The following SLC2A9 variants were observed in gnomAD, a reference collection of about 807,000 sequenced individuals.
The protein encoded by SLC2A9 is solute carrier family 2 member 9.
In SLC2A9, 39 loss-of-function variants were observed where a neutral mutation model predicts 50.6. The observed-to-expected ratio is 0.77, with a 90% CI of 0.60 to 1.01. The LOEUF is 1.01. Among genes scored for constraint, SLC2A9 ranks in the 50% least tolerant of loss-of-function variants. The probability of loss-of-function intolerance (pLI) is 0.00; values close to 1 mark genes in which losing one functional copy is unlikely to be tolerated. For missense variants in SLC2A9, 686 were observed against 677.6 expected (o/e 1.01, Z -0.14); for synonymous variants, 324 against 276.9 (o/e 1.17, Z -1.69).
chr4:9,954,798 T>C (rs1197563394), intron 5 of SLC2A9, among the ~76,000 whole-genome samples: 2 of 152,124 alleles, frequency 1.3e-5, no homozygotes, highest in Non-Finnish European at 2.9e-5. Flanking sequence ...GAATGTCAGG[T>C]GGCCATCAGG....
chr4:9,970,298 A>T (rs1753688886), intron 5 of SLC2A9, among the ~76,000 whole-genome samples: 2 of 152,186 alleles, frequency 1.3e-5, no homozygotes, highest in Admixed American at 6.5e-5. Context: ...CTTCACAGGG[A>T]GCCTTGCAGA....
At chr4:10,021,756 A>G (rs1168219559), upstream of SLC2A9, among the ~76,000 whole-genome samples, 1 of 151,082 alleles carries the variant, frequency 6.6e-6, no homozygotes, top group African/African-American at 2.4e-5. Context: ...TTAACCTAGG[A>G]TACCTCCCTA....
In SLC2A9 at chr4:10,038,720, A is replaced by G. The variant is rs746922866; in HGVS notation, c.-41+1410T>C. Among the ~76,000 whole-genome samples the G allele has an allele frequency of 3.3e-5, 5 of 152,170 alleles. No homozygotes were observed. In the South Asian group the frequency reaches 8.3e-4, roughly 25 times the overall value. ...GATGTTTTACACCAAGGTTTTACGCAATGACATGGAGCATGTCTGCTTCAC... is the reference window on the plus strand; with the variant it reads ...GATGTTTTACACCAAGGTTTTACGCGATGACATGGAGCATGTCTGCTTCAC... On this transcript the variant is annotated intron_variant, in intron 1 of 12. Coordinates refer to the SLC2A9 transcript ENST00000309065.
chr4:9,898,279 C>T (rs1392654218), intron 8 of SLC2A9, among the ~76,000 whole-genome samples: 1 of 152,058 alleles, frequency 6.6e-6, no homozygotes, highest in Non-Finnish European at 1.5e-5. Context: ...AGGTAGTCTC[C>T]AAATATGTAC....
chr4:9,964,993 A>G (rs73805306), intron 5 of SLC2A9, among the ~76,000 whole-genome samples: 164 of 152,282 alleles, frequency 1.1e-3, no homozygotes, highest in African/African-American at 3.8e-3. Context: ...ATTTCATAAC[A>G]TCTTTTCTAA....
At chr4:9,935,105 C>T (rs1170948301) in intron 6 of SLC2A9, among the ~76,000 whole-genome samples, 1 of 152,184 alleles carries the variant, frequency 6.6e-6, no homozygotes, top group East Asian at 1.9e-4. Context: ...GTAAACAGTG[C>T]TGCAATAAAC....
At chr4:9,791,725 G>A (rs1382855974) in intron 3 of SLC2A9, among the ~76,000 whole-genome samples, 2 of 152,110 alleles carry the variant, frequency 1.3e-5, no homozygotes, top group African/African-American at 4.8e-5. Flanking sequence ...ACATGAGGGA[G>A]CTTGGAAAGG....
intron 10 of SLC2A9, among the ~76,000 whole-genome samples, chr4:9,836,762 G>C (rs1281838735): frequency 6.6e-6 from 1 of 152,202 alleles, no homozygotes; most frequent in African/African-American, 2.4e-5. Flanking sequence ...AAGCCTGGAG[G>C]GTGTAGGAGA....
In SLC2A9 at chr4:9,986,691, T is replaced by C. The variant is rs1162110218; in HGVS notation, c.411-898A>G. On this transcript the variant is annotated intron_variant, in intron 3 of 11. Coordinates refer to ENST00000264784, the MANE Select transcript of SLC2A9 (RefSeq NM_020041.3). ...CAATGGCATCTTAGATTTGATGAAC[T>C]ACAGTACTAAGTGAATGGCTGGACT... Among the ~76,000 whole-genome samples the C allele has an allele frequency of 2.0e-5, 3 of 149,564 alleles. No homozygotes were observed. In the East Asian group the frequency reaches 6.2e-4, roughly 31 times the overall value.
chr4:9,905,877 C>T (rs921892342), intron 8 of SLC2A9, among the ~76,000 whole-genome samples: 1 of 152,204 alleles, frequency 6.6e-6, no homozygotes, highest in Non-Finnish European at 1.5e-5. Flanking sequence ...TCTTTCCCCA[C>T]TCTCTTGGGT....
chr4:9,788,122 T>C (rs1383171106), intron 3 of SLC2A9, among the ~76,000 whole-genome samples: 1 of 152,222 alleles, frequency 6.6e-6, no homozygotes, highest in Non-Finnish European at 1.5e-5. Flanking sequence ...TTGTTGGTTT[T>C]CTACTGTAAG....
At chr4:9,925,891 T>A (rs763792870) in intron 6 of SLC2A9, among the ~76,000 whole-genome samples, 1 of 152,262 alleles carries the variant, frequency 6.6e-6, no homozygotes, top group African/African-American at 2.4e-5. Flanking sequence ...CTCCCTACTG[T>A]TCCGGGCATG....
At chr4:9,978,012 G>A (rs1017643874) in intron 5 of SLC2A9, among the ~76,000 whole-genome samples, 10 of 152,208 alleles carry the variant, frequency 6.6e-5, no homozygotes, top group African/African-American at 1.9e-4. Flanking sequence ...GGAAGCAAAC[G>A]GAAATCAGTG....
chr4:9,813,932 C>T (rs1229900833), intron 3 of SLC2A9, among the ~76,000 whole-genome samples: 1 of 151,598 alleles, frequency 6.6e-6, no homozygotes, highest in African/African-American at 2.4e-5. Context: ...CCCATCTCTA[C>T]TAAAAATACA....
chr4:9,844,825 G>C (rs1451716234), intron 10 of SLC2A9, among the ~76,000 whole-genome samples: 1 of 152,202 alleles, frequency 6.6e-6, no homozygotes, highest in East Asian at 1.9e-4. Context: ...ATAAAATGAA[G>C]ATAACAATAG....
intron 5 of SLC2A9, among the ~76,000 whole-genome samples, chr4:9,949,322 G>C (rs1749776183): frequency 6.6e-6 from 1 of 152,204 alleles, no homozygotes; most frequent in African/African-American, 2.4e-5. Context: ...GCACAGATAA[G>C]AGATGCTCCA....
chr4:9,866,294 A>T (rs1217667572), intron 10 of SLC2A9, among the ~76,000 whole-genome samples: 1 of 151,954 alleles, frequency 6.6e-6, no homozygotes, highest in Non-Finnish European at 1.5e-5. Flanking sequence ...CTCTGTTGAG[A>T]ACACTCTGGG....
chr4:10,020,131 A>C (rs1381104513), intron 1 of SLC2A9, among the ~76,000 whole-genome samples: 9 of 151,790 alleles, frequency 5.9e-5, no homozygotes, highest in African/African-American at 2.2e-4. Context: ...AGACATATGG[A>C]TCCATGGTTC....
intron 5 of SLC2A9, among the ~76,000 whole-genome samples, chr4:9,957,025 C>T (rs1053320989): frequency 2.0e-5 from 3 of 152,062 alleles, no homozygotes; most frequent in African/African-American, 4.8e-5. Context: ...GGTGGCTCAG[C>T]ATGGAGGACC....
Sources: gnomAD v4.1 joint callset for allele counts (sites outside exome capture counted in the v4.1 genomes callset) on GRCh38, gnomAD v4.1.1 for gene constraint, MANE v1.5 for transcripts, NCBI Gene and HGNC (gene_info 2026-07-23, HGNC 2026-07-21) for gene names.